The following SH3RF3 variants were observed in gnomAD, a reference collection of about 807,000 sequenced individuals.
The protein encoded by SH3RF3 is SH3 domain containing ring finger 3.
A neutral mutation model predicts 66.3 loss-of-function variants in SH3RF3; 29 were observed. That is an observed-to-expected ratio of 0.44 (90% confidence interval 0.33 to 0.60). The LOEUF (loss-of-function observed/expected upper bound fraction) is 0.60. Ranked by LOEUF, SH3RF3 falls within the 20% of genes least tolerant of loss-of-function variation. The probability of loss-of-function intolerance (pLI) is 0.04; values close to 1 mark genes in which losing one functional copy is unlikely to be tolerated. For missense variants in SH3RF3, 1,194 were observed against 1,190.9 expected (o/e 1.00, Z -0.04); for synonymous variants, 583 against 532.0 (o/e 1.10, Z -1.32).
intron 1 of SH3RF3, among the ~76,000 whole-genome samples, chr2:109,156,355 G>T (rs1167766197): frequency 6.6e-6 from 1 of 152,188 alleles, no homozygotes; most frequent in African/African-American, 2.4e-5. Flanking sequence ...CCTAGATGGT[G>T]ATCTTGCTGG....
chr2:109,259,864 G>A (rs1427828338), intron 1 of SH3RF3, among the ~76,000 whole-genome samples: 1 of 152,142 alleles, frequency 6.6e-6, no homozygotes, highest in African/African-American at 2.4e-5. Context: ...CCTCTGGGCC[G>A]GGCGCTGTGG....
chr2:109,481,661 T>C (rs996735383), intron 8 of SH3RF3, among the ~76,000 whole-genome samples: 5 of 152,154 alleles, frequency 3.3e-5, no homozygotes, highest in African/African-American at 1.2e-4. Context: ...GGGCTGGACA[T>C]GTGGATGGAG....
intron 5 of SH3RF3, among the ~76,000 whole-genome samples, chr2:109,423,774 A>T (rs1676954903): frequency 6.6e-6 from 1 of 152,122 alleles, no homozygotes; most frequent in African/African-American, 2.4e-5. Context: ...CGTCCTCAGG[A>T]TATTACAGAC....
intron 8 of SH3RF3, among the ~76,000 whole-genome samples, chr2:109,489,227 C>A (rs1352939253): frequency 1.3e-5 from 2 of 152,232 alleles, no homozygotes; most frequent in Non-Finnish European, 2.9e-5. Context: ...TACAGTGGAA[C>A]AAATGCTGGT....
intron 1 of SH3RF3, among the ~76,000 whole-genome samples, chr2:109,216,968 T>A (rs1373761324): frequency 6.6e-6 from 1 of 152,324 alleles, no homozygotes; most frequent in Middle Eastern, 3.4e-3. Context: ...CTCCAGGCCC[T>A]GGCACCCACT....
chr2:109,423,760 G>T (rs995839156), intron 5 of SH3RF3, among the ~76,000 whole-genome samples: 5 of 152,174 alleles, frequency 3.3e-5, no homozygotes, highest in Non-Finnish European at 7.3e-5. Context: ...AGGCATGGCG[G>T]CACCGTCCTC....
At chr2:109,339,976 G>A (rs74364754) in intron 1 of SH3RF3, among the ~76,000 whole-genome samples, 3,269 of 152,254 alleles carry the variant, frequency 0.021, 40 homozygotes, top group Non-Finnish European at 0.03. Context: ...CCAGTTACAC[G>A]CTTTGTGATG....
At chr2:109,483,642 G>A (rs1030478489) in intron 8 of SH3RF3, among the ~76,000 whole-genome samples, 3 of 152,220 alleles carry the variant, frequency 2.0e-5, no homozygotes, top group Non-Finnish European at 2.9e-5. Flanking sequence ...AATTGGCATA[G>A]AGTTTGGTAT....
chr2:109,368,370 T>C (rs1330545588), intron 2 of SH3RF3, among the ~76,000 whole-genome samples: 2 of 152,234 alleles, frequency 1.3e-5, no homozygotes, highest in Non-Finnish European at 2.9e-5. Flanking sequence ...TATTTTCTTC[T>C]TGGACATTCA....
At chr2:109,333,888 A>AAAATAATACTTGTCTCCT (rs1682343519) in intron 1 of SH3RF3, among the ~76,000 whole-genome samples, 1 of 152,244 alleles carries the variant, frequency 6.6e-6, no homozygotes, top group South Asian at 2.1e-4. Context: ...TGATATCACC[A>AAAATAATACTTGTCTCCT]AAATAATACT....
At chr2:109,332,477 G>T (rs1159092980) in intron 1 of SH3RF3, among the ~76,000 whole-genome samples, 1 of 152,198 alleles carries the variant, frequency 6.6e-6, no homozygotes, top group Non-Finnish European at 1.5e-5. Context: ...GCAGCACAAG[G>T]CTCCTTTGCT....
At chr2:109,138,489 A>C (rs2104821708) in intron 1 of SH3RF3, among the ~76,000 whole-genome samples, 1 of 152,342 alleles carries the variant, frequency 6.6e-6, no homozygotes, top group South Asian at 2.1e-4. Context: ...TTGGTGCTGC[A>C]TTTGCTGGCA....
intron 3 of SH3RF3, among the ~76,000 whole-genome samples, chr2:109,371,951 G>A (rs1057480155): frequency 1.3e-5 from 2 of 152,154 alleles, no homozygotes; most frequent in Non-Finnish European, 2.9e-5. Context: ...GCCCCCTTGT[G>A]CACCTTCCCC....
intron 3 of SH3RF3, among the ~76,000 whole-genome samples, chr2:109,380,980 G>A (rs6737952): frequency 0.28 from 41,954 of 152,214 alleles, 6,733 homozygotes; most frequent in Non-Finnish European, 0.37. Flanking sequence ...GCTGATTGCC[G>A]ACTGTTTTGG....
chr2:109,369,034 G>A (rs539094493), intron 2 of SH3RF3, among the ~76,000 whole-genome samples: 52 of 152,246 alleles, frequency 3.4e-4, no homozygotes, highest in African/African-American at 1.1e-3. Context: ...TAGTGTCCTC[G>A]TGGTGTTTAG....
At chr2:109,214,977 C>T (rs963202086) in intron 1 of SH3RF3, among the ~76,000 whole-genome samples, 2 of 152,210 alleles carry the variant, frequency 1.3e-5, no homozygotes, top group Non-Finnish European at 1.5e-5. Flanking sequence ...TCGCTGAGCT[C>T]ACACATCTTG....
At chr2:109,138,757 G>A (rs185580891) in intron 1 of SH3RF3, among the ~76,000 whole-genome samples, 1 of 152,366 alleles carries the variant, frequency 6.6e-6, no homozygotes, top group Non-Finnish European at 1.5e-5. Context: ...CCATGGCCCT[G>A]TGTGAGTGCT....
chr2:109,485,907 C>G (rs1251524605), intron 8 of SH3RF3, among the ~76,000 whole-genome samples: 1 of 152,264 alleles, frequency 6.6e-6, no homozygotes. Flanking sequence ...GGCCCTTGAT[C>G]TCCTACACAC....
Position 109,209,293 on chromosome 2 carries a change from G to A in SH3RF3, c.573+79180G>A, listed in dbSNP as rs906190660. ...GATTCCCTTGTGCCAGGTCCTGCGCGGGTGATTTTGGTGACCATGACTGAG... is the reference window on the plus strand; with the variant it reads ...GATTCCCTTGTGCCAGGTCCTGCGCAGGTGATTTTGGTGACCATGACTGAG... On this transcript the variant is annotated intron_variant, in intron 1 of 9. Coordinates refer to ENST00000309415, the MANE Select transcript of SH3RF3 (RefSeq NM_001099289.3). Among the ~76,000 whole-genome samples, 4 of 152,248 alleles carry A rather than the reference G, an allele frequency of 2.6e-5. No individual in the cohort carries two copies. In the East Asian group the frequency reaches 5.8e-4, roughly 22 times the overall value.
Sources: gnomAD v4.1 joint callset for allele counts (sites outside exome capture counted in the v4.1 genomes callset) on GRCh38, gnomAD v4.1.1 for gene constraint, MANE v1.5 for transcripts, NCBI Gene and HGNC (gene_info 2026-07-23, HGNC 2026-07-21) for gene names.